Variants in MYO1C observed in about 807,000 individuals in gnomAD.
MYO1C encodes unconventional myosin-Ic.
Under a neutral mutation model 150.8 loss-of-function variants are expected in MYO1C, and 104 were observed. The observed-to-expected ratio is 0.69, with a 90% CI of 0.59 to 0.81. MYO1C has a LOEUF of 0.81. MYO1C is among the 30% of genes least tolerant of loss of function. The pLI is 0.00. For missense variants in MYO1C, 1,504 were observed against 1,435.0 expected, an observed-to-expected ratio of 1.05 and a Z score of -0.78; for synonymous variants, 663 against 579.9, an observed-to-expected ratio of 1.14 and a Z score of -2.06.
At chr17:1,465,786 G>C (rs1598315580) in intron 31 of MYO1C, 34 bp from the exon 32 acceptor site, 1 of 1,315,726 alleles carries the variant, frequency 7.6e-7, no homozygotes, top group Non-Finnish European at 9.8e-7. Flanking sequence ...CAAGTGGTGA[G>C]GGGAGCAGAC....
chr17:1,473,951 C>T (rs557451170), intron 17 of MYO1C, among the ~76,000 whole-genome samples: 20 of 152,292 alleles, frequency 1.3e-4, no homozygotes, highest in Non-Finnish European at 2.5e-4. Flanking sequence ...TGTGGTACCT[C>T]AGTGCCTGGC....
Position 1,464,812 on chromosome 17 carries a change from G to GC in MYO1C, c.*913_*914insG, listed in dbSNP as rs1442424797. The GC allele has an allele frequency of 1.0e-5, 1 of 96,784 alleles. No individual in the cohort carries two copies. Among genetic ancestry groups the GC allele is most frequent in the African/African-American group, 3.9e-5 (1 of 25,418 alleles). The allele number at this position is 96,784 out of a possible 1,614,324, so 6.0% of individuals were successfully genotyped here. A position where few individuals can be genotyped will look rare whatever the true frequency, so the allele number is the denominator to read the frequency against. Reference sequence around the variant, plus strand: ...GGGATGATGAGGACAGTAAAAGGGCGTTCTTTTTTTTTTTTTTTAAGACGG... The same window carrying GC: ...GGGATGATGAGGACAGTAAAAGGGCGCTTCTTTTTTTTTTTTTTTAAGACGG... On this transcript the variant is annotated 3_prime_UTR_variant, in exon 32 of 32. Coordinates refer to ENST00000648651, the MANE Select transcript of MYO1C (RefSeq NM_001080779.2).
chr17:1,482,890 G>T lies in MYO1C; in HGVS notation c.517C>A (p.Arg173=), dbSNP rs751862717. The T allele has an allele frequency of 7.1e-7, 1 of 1,415,608 alleles. No homozygotes were observed. The highest frequency in any genetic ancestry group is 1.2e-5 in the South Asian group (1 of 81,044). The allele number at this position is 1,415,608 out of a possible 1,614,324, so 87.7% of individuals were successfully genotyped here. Residue 173 remains arginine, a synonymous_variant, in exon 4 of 32, where the codon CGG becomes AGG. Coordinates refer to ENST00000648651, the MANE Select transcript of MYO1C (RefSeq NM_001080779.2). ...AGCACCGGGTTGCTCTGTAGCAGCC[G>T]GTCCCGCACGGCACCTCCGCGCTCG... is the stretch of plus-strand genomic sequence containing the variant. ...APERGGAVRD[R]LLQSNPVLEA...
At chr17:1,491,551 C>T (rs2074734597) in intron 1 of MYO1C, 1 of 885,684 alleles carries the variant, frequency 1.1e-6, no homozygotes, top group Non-Finnish European at 1.4e-6. Context: ...GCCGCCCGCT[C>T]CCCACACCCG....
chr17:1,472,621 C>T (rs1196652104), intron 17 of MYO1C, among the ~76,000 whole-genome samples: 1 of 152,212 alleles, frequency 6.6e-6, no homozygotes, highest in Non-Finnish European at 1.5e-5. Context: ...GGAAGGATCT[C>T]AGGCCTGGCG....
Position 1,483,856 on chromosome 17 carries a change from C to T in MYO1C, c.232-131G>A, listed in dbSNP as rs1347288394. ...GTCGGGAGTTCAAGACCAACCTGACCAACATGGAGAAATCCGTCTCTACTA... is the reference window on the plus strand; with the variant it reads ...GTCGGGAGTTCAAGACCAACCTGACTAACATGGAGAAATCCGTCTCTACTA... On this transcript the variant is annotated intron_variant, in intron 2 of 31. Transcript: ENST00000648651. The T allele has an allele frequency of 5.3e-6, 4 of 753,964 alleles. No individual in the cohort carries two copies. In the Admixed American group the frequency reaches 9.7e-5, roughly 18 times the overall value. The allele number at this position is 753,964 out of a possible 1,614,324, so 46.7% of individuals were successfully genotyped here. A position where few individuals can be genotyped will look rare whatever the true frequency, so the allele number is the denominator to read the frequency against.
chr17:1,487,618 T>C (rs1339279207), intron 1 of MYO1C, among the ~76,000 whole-genome samples: 1 of 151,862 alleles, frequency 6.6e-6, no homozygotes, highest in East Asian at 1.9e-4. Flanking sequence ...TGCCCCCAGG[T>C]TTAAAATCTA....
chr17:1,468,339 G>A (rs760456486), intron 26 of MYO1C, 31 bp from the exon 27 acceptor site: 2 of 1,614,090 alleles, frequency 1.2e-6, no homozygotes, highest in African/African-American at 2.7e-5. Flanking sequence ...AGGGAAGTCA[G>A]TGGAGGCAAT....
chr17:1,478,267 C>T lies in MYO1C; in HGVS notation c.1296-75G>A. ...AGGAGAGGGGAAAAGCTGGACGACG[C>T]CCCTGAGCACAGGAGGTGAGAAACA... On this transcript the variant is annotated intron_variant, in intron 11 of 31. Coordinates refer to ENST00000648651, the MANE Select transcript of MYO1C (RefSeq NM_001080779.2). The surrounding 1 kb of genome is among the most constrained non-coding windows in gnomAD (Gnocchi z 6.3). The T allele has an allele frequency of 6.4e-7, 1 of 1,563,680 alleles. No individual in the cohort carries two copies. The highest frequency in any genetic ancestry group is 8.8e-7 in the Non-Finnish European group (1 of 1,135,580).
Position 1,465,670 on chromosome 17 carries a change from G to T in MYO1C, c.*56C>A. ...GTTCGAGTCTTTGGTAACTGGGAAG[G>T]GGAGGAGGAGAAAAGCAAAGCATTG... On this transcript the variant is annotated 3_prime_UTR_variant, in exon 32 of 32. Coordinates refer to ENST00000648651, the MANE Select transcript of MYO1C (RefSeq NM_001080779.2). 1 of 1,323,166 alleles carries T rather than the reference G, an allele frequency of 7.6e-7. No homozygotes were observed. Among genetic ancestry groups the T allele is most frequent in the Non-Finnish European group, 9.8e-7 (1 of 1,022,858 alleles). 82.0% of individuals were successfully genotyped at this position (1,323,166 alleles called of 1,614,324 possible). A position where few individuals can be genotyped will look rare whatever the true frequency, so the allele number is the denominator to read the frequency against.
Position 1,465,722 on chromosome 17 carries a change from T to C in MYO1C, c.*4A>G. 1.5e-6 allele frequency: 2 copies of C among 1,324,536 alleles called. No individual in the cohort carries two copies. Among genetic ancestry groups the C allele is most frequent in the Non-Finnish European group, 1.9e-6 (2 of 1,027,442 alleles). The allele number at this position is 1,324,536 out of a possible 1,614,324, so 82.0% of individuals were successfully genotyped here. A position where few individuals can be genotyped will look rare whatever the true frequency, so the allele number is the denominator to read the frequency against. ...GCGTTGGGAGGGTCCAGTGGGCGCCTTTATCACCGAGAATTCAGCCGTGGG... is the reference window on the plus strand; with the variant it reads ...GCGTTGGGAGGGTCCAGTGGGCGCCCTTATCACCGAGAATTCAGCCGTGGG... On this transcript the variant is annotated 3_prime_UTR_variant, in exon 32 of 32. Transcript: ENST00000648651.
intron 7 of MYO1C, 48 bp downstream of exon 7, chr17:1,480,479 T>C (rs2074497148): frequency 8.2e-6 from 12 of 1,471,120 alleles, no homozygotes; most frequent in African/African-American, 1.4e-5. Flanking sequence ...AAAAGGAGAT[T>C]TTGGGGGTGT....
intron 1 of MYO1C, chr17:1,485,364 G>C (rs1015839926): frequency 9.2e-7 from 1 of 1,091,554 alleles, no homozygotes; most frequent in Non-Finnish European, 1.1e-6. Context: ...TTCTGGCCGG[G>C]GGCCTGCCCC....
intron 1 of MYO1C, chr17:1,485,386 T>C (rs1049502771): frequency 2.9e-4 from 59 of 201,070 alleles, no homozygotes; most frequent in Non-Finnish European, 3.7e-4. Context: ...CCCAGGCTTG[T>C]CCTCACCGCC....
chr17:1,469,949 C>G (rs1490624117), intron 24 of MYO1C, among the ~76,000 whole-genome samples: 1 of 152,056 alleles, frequency 6.6e-6, no homozygotes, highest in African/African-American at 2.4e-5. Flanking sequence ...GCAGGAGAAT[C>G]GCTTGAACCC....
At chr17:1,467,748 T>A in intron 29 of MYO1C, 92 bp downstream of exon 29, 1 of 334,518 alleles carries the variant, frequency 3.0e-6, no homozygotes, top group Non-Finnish European at 5.6e-6. Flanking sequence ...CACCTCCCCA[T>A]CCACCCCCAC....
chr17:1,470,377 C>T (rs769157257), intron 23 of MYO1C, 43 bp from the exon 24 acceptor site: 16 of 1,538,738 alleles, frequency 1.0e-5, no homozygotes, highest in East Asian at 7.3e-5. Context: ...AGGGGCCTGG[C>T]GGTGAACCAC....
In MYO1C at chr17:1,470,237, G is replaced by T; in HGVS notation, c.2464C>A (p.Arg822=). The T allele has an allele frequency of 6.2e-7, 1 of 1,610,110 alleles. No homozygotes were observed. Among genetic ancestry groups the T allele is most frequent in the Non-Finnish European group, 8.5e-7 (1 of 1,178,802 alleles). Residue 822 remains arginine (R), a synonymous_variant, in exon 24 of 32, where the codon CGG becomes AGG. Coordinates refer to ENST00000648651, the MANE Select transcript of MYO1C (RefSeq NM_001080779.2). ...VRTSFLLNLR[R]QLPQNVLDTS... ...TCCAGGACATTCTGGGGCAGCTGCC[G>T]CCTCAGGTTTAGCAAAAAAGAGGTG...
At position 1,479,628 on chromosome 17, in the gene MYO1C, C is replaced by T; in HGVS notation, c.984G>A (p.Gln328=). The T allele has an allele frequency of 6.2e-7, 1 of 1,613,634 alleles. No individual in the cohort carries two copies. The highest frequency in any genetic ancestry group is 8.5e-7 in the Non-Finnish European group (1 of 1,179,870). ...HFAANEESNA[Q]VTTENQLKYL... Reference sequence around the variant, plus strand: ...ACTTGAGCTGGTTCTCGGTGGTGACCTGGGCATTGCTCTCCTCGTTGGCAG... The same window carrying T: ...ACTTGAGCTGGTTCTCGGTGGTGACTTGGGCATTGCTCTCCTCGTTGGCAG... Residue 328 remains glutamine (Q), a synonymous_variant, in exon 8 of 32, where the codon CAG becomes CAA. Transcript: ENST00000648651. This position sits in a 1 kb window ranked among gnomAD's most constrained non-coding sequence, Gnocchi z 4.2.
Sources: gnomAD v4.1 joint callset for allele counts (sites outside exome capture counted in the v4.1 genomes callset) on GRCh38, gnomAD v4.1.1 for gene constraint, Gnocchi (gnomAD v3.1) non-coding constraint, MANE v1.5 for transcripts, NCBI Gene and HGNC (gene_info 2026-07-23, HGNC 2026-07-21) for gene names.